WASHC1: variants seen among roughly 807,000 people sequenced by gnomAD.
WASHC1 encodes the protein WASH complex subunit 1, also known as CXYorf1-like protein on chromosome 9.
WASHC1 carries 11 observed loss-of-function variants against 26.1 expected under a neutral mutation model. That is an observed-to-expected ratio of 0.42 (90% confidence interval 0.27 to 0.70). WASHC1 has a LOEUF of 0.70. Among genes scored for constraint, WASHC1 ranks in the 30% least tolerant of loss-of-function variants. The pLI is 0.24. For missense variants in WASHC1, 96 were observed against 304.9 expected, an observed-to-expected ratio of 0.31 and a Z score of 5.10; for synonymous variants, 37 against 126.6, an observed-to-expected ratio of 0.29 and a Z score of 4.75.
chr9:14,563 C>T (rs1587265860), exon 11 of WASHC1: 1 of 630,814 alleles, frequency 1.6e-6, no homozygotes, highest in East Asian at 2.7e-5. Flanking sequence ...TCTCTGGAAG[C>T]CTCTTAAGAA....
rs1322061785 is a variant in WASHC1 at position 28,154 on chromosome 9, CCAAA to C, written c.-6+1444_-6+1447del. Reference sequence around the variant, plus strand: ...TTCATGCAATAATGCAAATATTAGCCCAAACATTTTGTTAGTAGTACCAACTGTA... The same window carrying C: ...TTCATGCAATAATGCAAATATTAGCCCATTTTGTTAGTAGTACCAACTGTA... On this transcript the variant is annotated intron_variant, in intron 1 of 10. Coordinates refer to ENST00000442898, the Ensembl canonical transcript of WASHC1. 2.1e-4 allele frequency: 20 copies of C among 96,838 alleles called. 3 individuals are homozygous for C. Among genetic ancestry groups the C allele is most frequent in the Admixed American group, 4.0e-4 (4 of 10,070 alleles). 6.0% of individuals were successfully genotyped at this position (96,838 alleles called of 1,614,324 possible).
At chr9:14,677 T>C in exon 11 of WASHC1, 2 of 1,198,298 alleles carry the variant, frequency 1.7e-6, no homozygotes, top group Non-Finnish European at 2.4e-6. Flanking sequence ...TCCTTGAAGC[T>C]GGTCTCCACA....
chr9:21,837 AG>A (rs1816968956), intron 2 of WASHC1, among the ~76,000 whole-genome samples: 1 of 151,038 alleles, frequency 6.6e-6, no homozygotes, highest in Non-Finnish European at 1.5e-5. Context: ...GCTGAGTGCA[AG>A]GGAGAGGCAG....
chr9:21,769 CCATT>C (rs1366953052), intron 2 of WASHC1, among the ~76,000 whole-genome samples: 1 of 150,880 alleles, frequency 6.6e-6, no homozygotes, highest in Non-Finnish European at 1.5e-5. Context: ...TCCCTCAGCC[CCATT>C]CAAAGAGGCC....
At chr9:19,761 C>T (rs1816724894) in intron 2 of WASHC1, among the ~76,000 whole-genome samples, 1 of 96,414 alleles carries the variant, frequency 1.0e-5, no homozygotes, top group Non-Finnish European at 1.9e-5. Context: ...GGGGCTCAGG[C>T]ATGGCAGGGC....
rs760996598 is a variant in WASHC1, at chr9:15,891, G to T, written c.1195+18C>A. 19 of 1,394,786 alleles carry T rather than the reference G, an allele frequency of 1.4e-5. 4 individuals carry two copies. The highest frequency in any genetic ancestry group is 1.8e-5 in the Non-Finnish European group (19 of 1,036,960). The allele number at this position is 1,394,786 out of a possible 1,614,324, so 86.4% of individuals were successfully genotyped here. A position where few individuals can be genotyped will look rare whatever the true frequency, so the allele number is the denominator to read the frequency against. Reference sequence around the variant, plus strand: ...CTTGCCCAAGGCCCTCCAACCGCAGGCTCCAGGGCCCGCTCACCTTGCTCC... The same window carrying T: ...CTTGCCCAAGGCCCTCCAACCGCAGTCTCCAGGGCCCGCTCACCTTGCTCC... On this transcript the variant is annotated intron_variant, in intron 9 of 10. Transcript: ENST00000442898.
intron 10 of WASHC1, 70 bp from the exon 11 acceptor site, chr9:15,010 A>T (rs1205451905): frequency 7.9e-7 from 1 of 1,266,724 alleles, no homozygotes; most frequent in Non-Finnish European, 1.1e-6. Context: ...GGAGACTTAA[A>T]TACAGGAAGA....
chr9:28,593 A>G (rs866171989), intron 1 of WASHC1: 62 of 135,044 alleles, frequency 4.6e-4, no homozygotes, highest in Non-Finnish European at 5.2e-4. Flanking sequence ...CCTCAGTTCC[A>G]CAGTGGGTAA....
chr9:15,858 G>C, intron 9 of WASHC1, 51 bp downstream of exon 9: 1 of 1,390,712 alleles, frequency 7.2e-7, no homozygotes, highest in South Asian at 1.3e-5. Flanking sequence ...TGGAGGGGAG[G>C]AGGCGATCTT....
At chr9:19,806 G>GT (rs2130406563) in intron 2 of WASHC1, among the ~76,000 whole-genome samples, 1 of 107,694 alleles carries the variant, frequency 9.3e-6, no homozygotes, top group East Asian at 3.4e-4. Flanking sequence ...CGGCTTAAGT[G>GT]TTCCATGACA....
chr9:28,715 T>G (rs1817524501), intron 1 of WASHC1: 1 of 117,038 alleles, frequency 8.5e-6, no homozygotes, highest in South Asian at 2.6e-4. Flanking sequence ...TTTTTTTTTT[T>G]TTGCATCTAT....
exon 11 of WASHC1, chr9:14,806 C>A (rs1225755261): frequency 1.3e-6 from 2 of 1,540,688 alleles, no homozygotes; most frequent in Non-Finnish European, 1.8e-6. Context: ...CATGGAGCCC[C>A]CTACGATTCC....
exon 11 of WASHC1, chr9:14,730 G>A (rs1815998929): frequency 1.4e-6 from 2 of 1,430,020 alleles, no homozygotes; most frequent in South Asian, 1.2e-5. Flanking sequence ...GCAGGTCTGA[G>A]CAGCTTGTCC....
At chr9:14,862 A>C in exon 11 of WASHC1, 2 of 1,427,858 alleles carry the variant, frequency 1.4e-6, no homozygotes, top group Non-Finnish European at 9.5e-7. Context: ...CGGTGGCGGC[A>C]AAGGAGGGAT....
intron 1 of WASHC1, chr9:29,102 C>T (rs1278916973): frequency 2.9e-5 from 1 of 34,832 alleles, no homozygotes. Flanking sequence ...AGTGGGGAGG[C>T]GGAACCGGGA....
rs1228700160 is a variant in WASHC1, at chr9:17,079, C to CAA, written c.767_768dup (p.Ala257LeufsTer33). On this transcript the variant is annotated frameshift_variant, in exon 7 of 11. Transcript: ENST00000442898. LOFTEE classifies it high-confidence loss of function. ...TCGGCACTGTACATGAGGTCGTTGG[C>CAA]AATGCCGGGCAGGTCAGGCAGGTAG... 1 of 1,461,192 alleles carries CAA rather than the reference C, an allele frequency of 6.8e-7. No individual in the cohort carries two copies. Among genetic ancestry groups the CAA allele is most frequent in the Non-Finnish European group, 9.0e-7 (1 of 1,106,826 alleles). 90.5% of individuals were successfully genotyped at this position (1,461,192 alleles called of 1,614,324 possible).
chr9:23,472 CTG>C (rs1297796254), intron 2 of WASHC1, among the ~76,000 whole-genome samples: 2 of 114,358 alleles, frequency 1.7e-5, no homozygotes, highest in Non-Finnish European at 3.3e-5. Flanking sequence ...AGTCACTTCA[CTG>C]TGTGTCCCCT....
At chr9:14,696 G>C (rs1815993806) in exon 11 of WASHC1, 2 of 1,250,590 alleles carry the variant, frequency 1.6e-6, no homozygotes, top group South Asian at 2.6e-5. Flanking sequence ...CACACTGCTG[G>C]TTCCGTCACC....
intron 2 of WASHC1, among the ~76,000 whole-genome samples, chr9:21,123 G>A (rs201939047): frequency 6.6e-6 from 1 of 152,378 alleles, no homozygotes; most frequent in East Asian, 1.9e-4. Flanking sequence ...GCCGGGCTGT[G>A]CTGGGGCCTG....
Sources: gnomAD v4.1 joint callset for allele counts (sites outside exome capture counted in the v4.1 genomes callset) on GRCh38, gnomAD v4.1.1 for gene constraint, MANE v1.5 for transcripts, NCBI Gene and HGNC (gene_info 2026-07-23, HGNC 2026-07-21) for gene names.